The following ABAT variants were observed in gnomAD, a reference collection of about 807,000 sequenced individuals.
The protein encoded by ABAT is 4-aminobutyrate aminotransferase.
A neutral mutation model predicts 64.6 loss-of-function variants in ABAT; 45 were observed. The ratio of observed to expected loss-of-function variants is 0.70; its 90% CI spans 0.55 to 0.89. The LOEUF (loss-of-function observed/expected upper bound fraction) is 0.89, where lower values mean the gene tolerates loss of function less well. Among genes scored for constraint, ABAT ranks in the 40% least tolerant of loss-of-function variants. The pLI is 0.00. For synonymous variants in ABAT, 297 were observed against 250.5 expected, an observed-to-expected ratio of 1.19 and a Z score of -1.75; for missense variants, 633 against 658.4, an observed-to-expected ratio of 0.96 and a Z score of 0.42.
At chr16:8,762,578 T>C (rs1167358371) in intron 6 of ABAT, among the ~76,000 whole-genome samples, 4 of 152,336 alleles carry the variant, frequency 2.6e-5, no homozygotes, top group Non-Finnish European at 5.9e-5. Context: ...CATTTGATCC[T>C]GATACCCAAT....
intron 1 of ABAT, among the ~76,000 whole-genome samples, chr16:8,694,074 G>A (rs1370506960): frequency 6.6e-6 from 1 of 151,884 alleles, no homozygotes; most frequent in African/African-American, 2.4e-5. Flanking sequence ...CTGTCACCCA[G>A]GCTGGAGTAC....
chr16:8,726,331 G>C (rs1313047275), intron 1 of ABAT, among the ~76,000 whole-genome samples: 1 of 138,988 alleles, frequency 7.2e-6, no homozygotes, highest in African/African-American at 2.6e-5. Flanking sequence ...CGCCATCTCG[G>C]CTCACTGCAA....
At chr16:8,681,726 C>T (rs906873705) in intron 1 of ABAT, among the ~76,000 whole-genome samples, 3 of 150,580 alleles carry the variant, frequency 2.0e-5, no homozygotes, top group Non-Finnish European at 2.9e-5. Context: ...ACTGCAACTT[C>T]TGCCTCCCGG....
At position 8,764,031 on chromosome 16, in the gene ABAT, C is replaced by T. The variant is rs1567310114; in HGVS notation, c.367-38C>T. ...TTTGTGGGCAGGGAGCTGGGTCAGG[C>T]CCCCAGAAGTCACCATTTGTCTCTT... is the stretch of plus-strand genomic sequence containing the variant. On this transcript the variant is annotated intron_variant, in intron 6 of 15. Transcript: ENST00000268251. This position sits in a 1 kb window ranked among gnomAD's most constrained non-coding sequence, Gnocchi z 4.2. 1.3e-6 allele frequency: 2 copies of T among 1,565,850 alleles called. No individual in the cohort carries two copies. The highest frequency in any genetic ancestry group is 2.2e-5 in the East Asian group (1 of 44,630).
At chr16:8,743,166 C>G (rs988648005) in intron 2 of ABAT, among the ~76,000 whole-genome samples, 5 of 151,336 alleles carry the variant, frequency 3.3e-5, no homozygotes, top group Admixed American at 6.6e-5. Flanking sequence ...TTTAACGGTA[C>G]TTTATGTTCA....
At chr16:8,750,275 A>C in intron 4 of ABAT, 147 bp from the exon 5 acceptor site, 3 of 752,720 alleles carry the variant, frequency 4.0e-6, no homozygotes, top group Non-Finnish European at 4.7e-6. Flanking sequence ...AGCCAAAACA[A>C]GAAATACATT....
rs1325630439 is a variant in ABAT, at chr16:8,781,107, G to C, written c.1382-202G>C. On this transcript the variant is annotated intron_variant, in intron 15 of 15. Transcript: ENST00000268251. The surrounding 1 kb of genome is among the most constrained non-coding windows in gnomAD (Gnocchi z 4.5). Reference sequence around the variant, plus strand: ...AAAGGAAGAAGAGAATGATGGAGGAGATGAATGAGGGGAGAGAGAAAGGAA... The same window carrying C: ...AAAGGAAGAAGAGAATGATGGAGGACATGAATGAGGGGAGAGAGAAAGGAA... The C allele has an allele frequency of 1.3e-6, 1 of 783,372 alleles. No individual in the cohort carries two copies. The highest frequency in any genetic ancestry group is 2.3e-6 in the Non-Finnish European group (1 of 442,290). 48.5% of individuals were successfully genotyped at this position (783,372 alleles called of 1,614,324 possible). A position where few individuals can be genotyped will look rare whatever the true frequency, so the allele number is the denominator to read the frequency against.
intron 1 of ABAT, among the ~76,000 whole-genome samples, chr16:8,687,838 C>A (rs2057491212): frequency 6.6e-6 from 1 of 152,116 alleles, no homozygotes; most frequent in South Asian, 2.1e-4. Context: ...AACAAAACTA[C>A]CTTTTGAAAC....
intron 1 of ABAT, among the ~76,000 whole-genome samples, chr16:8,709,296 TTTC>T (rs1259793018): frequency 2.0e-5 from 3 of 152,248 alleles, no homozygotes; most frequent in African/African-American, 4.8e-5. Context: ...ATCTGTTTCT[TTTC>T]TTTTTTGATG....
chr16:8,691,894 A>G (rs541912804), intron 1 of ABAT, among the ~76,000 whole-genome samples: 85 of 152,336 alleles, frequency 5.6e-4, no homozygotes, highest in African/African-American at 1.9e-3. Flanking sequence ...TGGCCCCAAA[A>G]GTCAATAGTG....
intron 1 of ABAT, among the ~76,000 whole-genome samples, chr16:8,718,236 A>C (rs1177720980): frequency 6.6e-6 from 1 of 152,238 alleles, no homozygotes; most frequent in Non-Finnish European, 1.5e-5. Context: ...TAATCCCTGC[A>C]TTCTTAGTGG....
At chr16:8,742,474 C>A (rs1366808901) in intron 2 of ABAT, among the ~76,000 whole-genome samples, 2 of 152,162 alleles carry the variant, frequency 1.3e-5, no homozygotes, top group Non-Finnish European at 2.9e-5. Flanking sequence ...TGGTGAAGAG[C>A]TATTTTTATC....
At chr16:8,729,721 C>G (rs1384856085) in intron 1 of ABAT, among the ~76,000 whole-genome samples, 1 of 150,442 alleles carries the variant, frequency 6.6e-6, no homozygotes, top group Non-Finnish European at 1.5e-5. Flanking sequence ...AGCTACTTGG[C>G]AGGGCTAAGG....
At chr16:8,682,664 C>T (rs1445172004) in intron 1 of ABAT, among the ~76,000 whole-genome samples, 1 of 152,202 alleles carries the variant, frequency 6.6e-6, no homozygotes, top group Non-Finnish European at 1.5e-5. Context: ...GCCAGCATCT[C>T]CCATTTAGGT....
chr16:8,750,486 T>C lies in ABAT; in HGVS notation c.263T>C (p.Val88Ala). The C allele has an allele frequency of 6.2e-7, 1 of 1,614,220 alleles. No individual in the cohort carries two copies. Among genetic ancestry groups the C allele is most frequent in the African/African-American group, 1.3e-5 (1 of 75,062 alleles). ...EESRGNYLVD[V>A]DGNRMLDLYS... ...AGCCGAGGCAATTACCTGGTTGATGTGGACGGCAACCGAATGCTGGATCTT... is the reference window on the plus strand; with the variant it reads ...AGCCGAGGCAATTACCTGGTTGATGCGGACGGCAACCGAATGCTGGATCTT... The change falls in exon 5 of 16, where the codon GTG becomes GCG. Residue 88 changes from valine (V) to alanine (A), a missense_variant. By Grantham distance (64) the Val-to-Ala change is moderately conservative (BLOSUM62 0). Transcript: ENST00000268251.
At chr16:8,691,116 G>A (rs1437195247) in intron 1 of ABAT, among the ~76,000 whole-genome samples, 1 of 151,566 alleles carries the variant, frequency 6.6e-6, no homozygotes, top group South Asian at 2.1e-4. Context: ...AACCACACTT[G>A]CCCATATTGG....
intron 9 of ABAT, among the ~76,000 whole-genome samples, chr16:8,767,736 C>A (rs1369405062): frequency 3.3e-5 from 5 of 152,122 alleles, no homozygotes; most frequent in African/African-American, 9.7e-5. Flanking sequence ...GGTGCAGTGG[C>A]GCGAACTCGG....
chr16:8,707,594 G>T (rs1227214065), intron 1 of ABAT, among the ~76,000 whole-genome samples: 2 of 152,114 alleles, frequency 1.3e-5, no homozygotes, highest in Non-Finnish European at 2.9e-5. Flanking sequence ...TTCAAGAAGT[G>T]AGAGCTAAAA....
intron 6 of ABAT, among the ~76,000 whole-genome samples, chr16:8,760,817 G>A (rs141641979): frequency 2.6e-5 from 4 of 152,318 alleles, no homozygotes; most frequent in East Asian, 3.9e-4. Flanking sequence ...GCTCACGCCT[G>A]TAATCTCAGC....
Sources: allele counts gnomAD v4.1 joint callset (sites outside exome capture counted in the v4.1 genomes callset), GRCh38; gene constraint gnomAD v4.1.1; non-coding constraint Gnocchi (gnomAD v3.1); transcripts MANE v1.5; gene names NCBI Gene and HGNC (gene_info 2026-07-23, HGNC 2026-07-21).